COL25A1: variants seen among roughly 807,000 people sequenced by gnomAD.
COL25A1 encodes the protein collagen type XXV alpha 1 chain.
In COL25A1, 103 loss-of-function variants were observed where a neutral mutation model predicts 128.4. That is an observed-to-expected ratio of 0.80 (90% confidence interval 0.68 to 0.94). The LOEUF is 0.94. COL25A1 is among the 40% of genes least tolerant of loss of function. The pLI is 0.00. For missense variants in COL25A1, 745 were observed against 840.0 expected, an observed-to-expected ratio of 0.89 and a Z score of 1.40; for synonymous variants, 279 against 277.2, an observed-to-expected ratio of 1.01 and a Z score of -0.06.
At chr4:108,909,261 T>TTG in intron 13 of COL25A1, among the ~76,000 whole-genome samples, 1 of 152,218 alleles carries the variant, frequency 6.6e-6, no homozygotes, top group African/African-American at 2.4e-5. Flanking sequence ...TGTCATAATT[T>TTG]CCTTAGTTAT....
intron 3 of COL25A1, among the ~76,000 whole-genome samples, chr4:109,197,483 ATATTATATATAAATAT>A (rs1776206452): frequency 7.9e-6 from 1 of 126,258 alleles, no homozygotes; most frequent in Non-Finnish European, 1.6e-5. Flanking sequence ...TATATATTAT[ATATTATATATAAATAT>A]ATATTATATA....
At chr4:109,265,725 C>T (rs1410829716) in intron 3 of COL25A1, among the ~76,000 whole-genome samples, 1 of 152,144 alleles carries the variant, frequency 6.6e-6, no homozygotes, top group African/African-American at 2.4e-5. Context: ...CTAAATGTTA[C>T]TTTCAAATCG....
intron 3 of COL25A1, among the ~76,000 whole-genome samples, chr4:109,130,433 A>G (rs989473228): frequency 1.3e-5 from 2 of 152,196 alleles, no homozygotes; most frequent in Non-Finnish European, 2.9e-5. Context: ...GCACTGAAAA[A>G]AAATAACGTA....
At chr4:109,123,794 C>G (rs759434902) in intron 3 of COL25A1, among the ~76,000 whole-genome samples, 1 of 152,004 alleles carries the variant, frequency 6.6e-6, no homozygotes, top group Non-Finnish European at 1.5e-5. Flanking sequence ...ACATAGGCCT[C>G]GGTTCTACAG....
At chr4:108,859,196 G>C (rs1736874543) in intron 24 of COL25A1, among the ~76,000 whole-genome samples, 1 of 152,160 alleles carries the variant, frequency 6.6e-6, no homozygotes, top group African/African-American at 2.4e-5. Context: ...CTATGAGGCA[G>C]ATACTGCTAC....
At chr4:109,145,213 G>T (rs189877801) in intron 3 of COL25A1, among the ~76,000 whole-genome samples, 2 of 151,704 alleles carry the variant, frequency 1.3e-5, no homozygotes, top group Non-Finnish European at 1.5e-5. Context: ...GACTACAGGC[G>T]CCCGCCACCA....
At chr4:108,873,905 T>C (rs1198380331) in intron 19 of COL25A1, among the ~76,000 whole-genome samples, 1 of 135,986 alleles carries the variant, frequency 7.4e-6, no homozygotes, top group Non-Finnish European at 1.6e-5. Flanking sequence ...TAAATTTCCC[T>C]AAATGAATGT....
chr4:109,021,155 G>A (rs1757709479), intron 5 of COL25A1, among the ~76,000 whole-genome samples: 1 of 152,168 alleles, frequency 6.6e-6, no homozygotes, highest in Non-Finnish European at 1.5e-5. Flanking sequence ...GTATTTTTAT[G>A]TCATATCATG....
chr4:109,240,162 T>G (rs2158471), intron 3 of COL25A1, among the ~76,000 whole-genome samples: 38,341 of 151,954 alleles, frequency 0.25, 6,381 homozygotes, highest in African/African-American at 0.46. Flanking sequence ...AAATAGTATA[T>G]CATAGTAAAT....
chr4:108,933,987 T>C (rs761608480), intron 11 of COL25A1, among the ~76,000 whole-genome samples: 237 of 152,270 alleles, frequency 1.6e-3, no homozygotes, highest in Non-Finnish European at 2.1e-3. Context: ...TTACTGGGTA[T>C]ATACCCAAAG....
chr4:109,047,825 C>T lies in COL25A1; in HGVS notation c.420+343G>A, dbSNP rs187758205. Among the ~76,000 whole-genome samples, 733 of 149,962 alleles carry T rather than the reference C, an allele frequency of 4.9e-3. 31 individuals carry two copies. In the East Asian group the frequency reaches 0.1, roughly 21 times the overall value. On this transcript the variant is annotated intron_variant, in intron 5 of 37. Coordinates refer to ENST00000399132, the MANE Select transcript of COL25A1 (RefSeq NM_198721.4). ...TCGGCTCACTGCAAGCTCCACCTCCCGGGTTCACGCCATTCTCCTGCCTCA... is the reference window on the plus strand; with the variant it reads ...TCGGCTCACTGCAAGCTCCACCTCCTGGGTTCACGCCATTCTCCTGCCTCA...
At chr4:109,009,027 C>T (rs562488092) in intron 6 of COL25A1, among the ~76,000 whole-genome samples, 7 of 152,138 alleles carry the variant, frequency 4.6e-5, no homozygotes, top group Non-Finnish European at 8.8e-5. Flanking sequence ...GTGGCTGAGA[C>T]AGGAGAATCA....
At chr4:108,932,637 A>G (rs1244728447) in intron 11 of COL25A1, among the ~76,000 whole-genome samples, 1 of 152,170 alleles carries the variant, frequency 6.6e-6, no homozygotes, top group African/African-American at 2.4e-5. Flanking sequence ...GGATATAGAC[A>G]ATTTGGAACA....
At chr4:109,063,743 G>A (rs1016074006) in intron 3 of COL25A1, among the ~76,000 whole-genome samples, 5 of 152,012 alleles carry the variant, frequency 3.3e-5, no homozygotes, top group Admixed American at 6.6e-5. Context: ...TACATTCACC[G>A]GAATTTTTGT....
intron 24 of COL25A1, among the ~76,000 whole-genome samples, chr4:108,855,983 G>C (rs1248461267): frequency 6.6e-6 from 1 of 152,182 alleles, no homozygotes; most frequent in Non-Finnish European, 1.5e-5. Context: ...TTTTGGTGGT[G>C]ATGGAGAAAG....
chr4:109,115,901 T>C (rs1303874171), intron 3 of COL25A1, among the ~76,000 whole-genome samples: 2 of 152,000 alleles, frequency 1.3e-5, no homozygotes, highest in Non-Finnish European at 2.9e-5. Flanking sequence ...CTACCATGTA[T>C]CCTAGAGGTG....
intron 3 of COL25A1, among the ~76,000 whole-genome samples, chr4:109,174,221 A>G (rs1485549029): frequency 9.9e-5 from 15 of 152,208 alleles, no homozygotes; most frequent in Non-Finnish European, 1.5e-4. Context: ...TGTGAATACA[A>G]GTAGCAACCG....
intron 8 of COL25A1, among the ~76,000 whole-genome samples, chr4:108,956,843 T>C (rs1750130455): frequency 6.6e-6 from 1 of 152,198 alleles, no homozygotes; most frequent in African/African-American, 2.4e-5. Context: ...TAATGTTTGT[T>C]GGATTGCAGA....
Position 109,026,100 on chromosome 4 carries a change from GCACACACACA to G in COL25A1, c.421-15735_421-15726del, listed in dbSNP as rs56718544. ...GAAATATCCACATATAAAACACTTT[GCACACACACA>G]CACACACACACACACACACACACAC... is the stretch of plus-strand genomic sequence containing the variant. On this transcript the variant is annotated intron_variant, in intron 5 of 37. Transcript: ENST00000399132. Among the ~76,000 whole-genome samples the G allele has an allele frequency of 9.1e-4, 125 of 137,160 alleles. 2 individuals carry two copies. Among genetic ancestry groups the G allele is most frequent in the Middle Eastern group, 7.4e-3 (2 of 270 alleles). The allele number at this position is 137,160 out of a possible 152,430, so 90.0% of individuals were successfully genotyped here.
Sources: gnomAD v4.1 joint callset for allele counts (sites outside exome capture counted in the v4.1 genomes callset) on GRCh38, gnomAD v4.1.1 for gene constraint, MANE v1.5 for transcripts, NCBI Gene and HGNC (gene_info 2026-07-23, HGNC 2026-07-21) for gene names.